The following SH3PXD2B variants were observed in gnomAD, a reference collection of about 807,000 sequenced individuals.
The protein encoded by SH3PXD2B is SH3 and PX domain-containing protein 2B.
A neutral mutation model predicts 73.1 loss-of-function variants in SH3PXD2B; 37 were observed. The observed-to-expected ratio is 0.51, with a 90% CI of 0.39 to 0.67. The LOEUF (loss-of-function observed/expected upper bound fraction) is 0.67, where lower values mean the gene tolerates loss of function less well. Among genes scored for constraint, SH3PXD2B ranks in the 30% least tolerant of loss-of-function variants. The pLI is 0.00. For missense variants in SH3PXD2B, 1,053 were observed against 1,197.8 expected (o/e 0.88, Z 1.78); for synonymous variants, 457 against 480.5 (o/e 0.95, Z 0.64).
intron 5 of SH3PXD2B, among the ~76,000 whole-genome samples, chr5:172,380,982 T>C (rs1757930886): frequency 6.6e-6 from 1 of 152,260 alleles, no homozygotes; most frequent in African/African-American, 2.4e-5. Flanking sequence ...TGTGTATAAA[T>C]ATAAATGGCC....
intron 1 of SH3PXD2B, among the ~76,000 whole-genome samples, chr5:172,453,836 C>G (rs866673032): frequency 1.3e-5 from 2 of 152,152 alleles, no homozygotes; most frequent in Non-Finnish European, 2.9e-5. Flanking sequence ...GAGGGGCTAC[C>G]TGTGGCTGGG....
chr5:172,424,259 C>T lies in SH3PXD2B; in HGVS notation c.76-1763G>A, dbSNP rs114794383. 6.2e-3 allele frequency among the ~76,000 whole-genome samples: 940 copies of T among 152,274 alleles called. 10 individuals are homozygous for T. The highest frequency in any genetic ancestry group is 0.021 in the African/African-American group (890 of 41,536). On this transcript the variant is annotated intron_variant, in intron 1 of 12. Coordinates refer to ENST00000311601, the MANE Select transcript of SH3PXD2B (RefSeq NM_001017995.3). ...CACGTAATCCAGTCCAGGTTGATAC[C>T]GGAAGTGGGCAGGAGAGAGATCTCT...
intron 1 of SH3PXD2B, among the ~76,000 whole-genome samples, chr5:172,452,622 A>C (rs765842392): frequency 6.6e-6 from 1 of 152,118 alleles, no homozygotes; most frequent in Non-Finnish European, 1.5e-5. Context: ...AGGAGAGGCC[A>C]GAAGAGGGCG....
intron 2 of SH3PXD2B, among the ~76,000 whole-genome samples, chr5:172,420,039 G>C (rs1758923177): frequency 6.6e-6 from 1 of 152,196 alleles, no homozygotes. Context: ...TTCTCAGCCA[G>C]GACTGTGCCT....
intron 2 of SH3PXD2B, among the ~76,000 whole-genome samples, chr5:172,418,906 C>T (rs17051987): frequency 0.044 from 6,694 of 152,272 alleles, 489 homozygotes; most frequent in African/African-American, 0.15. Context: ...GGAAGGAACA[C>T]TGGCCTTGGG....
intron 7 of SH3PXD2B, among the ~76,000 whole-genome samples, chr5:172,359,941 C>T (rs771202745): frequency 3.3e-5 from 5 of 151,992 alleles, no homozygotes; most frequent in African/African-American, 1.2e-4. Context: ...ACATTGCTGG[C>T]GCTGAAGAAG....
chr5:172,348,657 A>ATCTATCTATCTG (rs1757063338), intron 10 of SH3PXD2B, among the ~76,000 whole-genome samples: 1 of 37,426 alleles, frequency 2.7e-5, no homozygotes, highest in African/African-American at 8.0e-5. Flanking sequence ...TATCTATCCT[A>ATCTATCTATCTG]TCTATCTATC....
chr5:172,348,618 C>CTATG (rs1250163180), intron 10 of SH3PXD2B, among the ~76,000 whole-genome samples: 1 of 133,698 alleles, frequency 7.5e-6, no homozygotes, highest in African/African-American at 3.1e-5. Context: ...GCATCTGAAT[C>CTATG]TATCTATGTA....
intron 3 of SH3PXD2B, among the ~76,000 whole-genome samples, chr5:172,400,167 G>A (rs1758394314): frequency 6.6e-6 from 1 of 152,108 alleles, no homozygotes; most frequent in Admixed American, 6.6e-5. Flanking sequence ...AAATGAAAGG[G>A]GGAGTACTGG....
chr5:172,421,118 C>T lies in SH3PXD2B; in HGVS notation c.156+1298G>A, dbSNP rs1424223904. On this transcript the variant is annotated intron_variant, in intron 2 of 12. Coordinates refer to ENST00000311601, the MANE Select transcript of SH3PXD2B (RefSeq NM_001017995.3). This position sits in a 1 kb window ranked among gnomAD's most constrained non-coding sequence, Gnocchi z 4.0. ...AGACTTGTGTTGGCCTGAGAGGTGA[C>T]ATAGCCCCTTACCAGGAGGCTGGGA... Among the ~76,000 whole-genome samples, 2 of 152,218 alleles carry T rather than the reference C, an allele frequency of 1.3e-5. No homozygotes were observed. The highest frequency in any genetic ancestry group is 2.9e-5 in the Non-Finnish European group (2 of 68,040).
At chr5:172,366,296 G>C (rs1028535530) in intron 6 of SH3PXD2B, among the ~76,000 whole-genome samples, 7 of 152,128 alleles carry the variant, frequency 4.6e-5, no homozygotes, top group Non-Finnish European at 8.8e-5. Context: ...GGGAGGGGAG[G>C]GGAGGCAGAT....
At chr5:172,417,841 G>A (rs530813585) in intron 2 of SH3PXD2B, among the ~76,000 whole-genome samples, 47 of 152,278 alleles carry the variant, frequency 3.1e-4, no homozygotes, top group African/African-American at 1.1e-3. Context: ...AGTGTTCAAT[G>A]TAGTGGCTTC....
In SH3PXD2B at chr5:172,368,858, T is replaced by TATA. The variant is rs1220322036; in HGVS notation, c.427+4929_427+4931dup. Among the ~76,000 whole-genome samples, 754 of 128,482 alleles carry TATA rather than the reference T, an allele frequency of 5.9e-3. 11 individuals are homozygous for TATA. The highest frequency in any genetic ancestry group is 0.021 in the African/African-American group (709 of 33,182). 84.3% of individuals were successfully genotyped at this position (128,482 alleles called of 152,430 possible). ...TTTATAATACATAATATATAGTATA[T>TATA]ATATATGTTTTTAAATATATAATAT... is the stretch of plus-strand genomic sequence containing the variant. On this transcript the variant is annotated intron_variant, in intron 6 of 12. Coordinates refer to ENST00000311601, the MANE Select transcript of SH3PXD2B (RefSeq NM_001017995.3).
At chr5:172,386,835 C>T (rs113795930) in intron 4 of SH3PXD2B, among the ~76,000 whole-genome samples, 9,559 of 152,198 alleles carry the variant, frequency 0.063, 485 homozygotes, top group African/African-American at 0.14. Context: ...ACCACGTTGC[C>T]CAGGCCGGTC....
chr5:172,378,510 T>C (rs1757868938), intron 5 of SH3PXD2B, among the ~76,000 whole-genome samples: 1 of 152,148 alleles, frequency 6.6e-6, no homozygotes, highest in African/African-American at 2.4e-5. Context: ...CTCCCCAAAG[T>C]TAAAGTAGAA....
chr5:172,374,455 G>A (rs143014763), intron 5 of SH3PXD2B, among the ~76,000 whole-genome samples: 9,358 of 152,304 alleles, frequency 0.061, 460 homozygotes, highest in African/African-American at 0.14. Context: ...GCTGAGGCGG[G>A]TGGATCACCT....
At chr5:172,404,106 T>C (rs910328986) in intron 3 of SH3PXD2B, among the ~76,000 whole-genome samples, 1 of 152,134 alleles carries the variant, frequency 6.6e-6, no homozygotes, top group Admixed American at 6.5e-5. Context: ...AAACTACAAA[T>C]GTTAGCTTTT....
chr5:172,364,676 C>G lies in SH3PXD2B; in HGVS notation c.428-1807G>C, dbSNP rs561107283. On this transcript the variant is annotated intron_variant, in intron 6 of 12. Coordinates refer to ENST00000311601, the MANE Select transcript of SH3PXD2B (RefSeq NM_001017995.3). ...CAAAACTCCGTCCTCCGCTCCCCGC[C>G]CAAAAAAACCAAAAAAACCAAACAA... Among the ~76,000 whole-genome samples the G allele has an allele frequency of 7.5e-3, 1,127 of 150,644 alleles. 15 individuals are homozygous for G. The highest frequency in any genetic ancestry group is 0.01 in the Non-Finnish European group (689 of 67,628).
chr5:172,439,692 G>GTGCACA (rs1554087697), intron 1 of SH3PXD2B, among the ~76,000 whole-genome samples: 1 of 138,542 alleles, frequency 7.2e-6, no homozygotes, highest in African/African-American at 2.8e-5. Flanking sequence ...GCACGCGCGC[G>GTGCACA]CACACACACA....
Sources: gnomAD v4.1 joint callset for allele counts (sites outside exome capture counted in the v4.1 genomes callset) on GRCh38, gnomAD v4.1.1 for gene constraint, Gnocchi (gnomAD v3.1) non-coding constraint, MANE v1.5 for transcripts, NCBI Gene and HGNC (gene_info 2026-07-23, HGNC 2026-07-21) for gene names.